Variants in EXPH5 observed in about 807,000 individuals in gnomAD.
EXPH5 encodes exophilin 5, also known as exophilin-5.
A neutral mutation model predicts 41.1 loss-of-function variants in EXPH5; 42 were observed. The observed-to-expected ratio is 1.02, with a 90% CI of 0.80 to 1.32. The LOEUF is 1.32. EXPH5 is among the 40% of genes most tolerant of loss of function. EXPH5 has a pLI of 0.00. For synonymous variants in EXPH5, 798 were observed against 833.5 expected (o/e 0.96, Z 0.73); for missense variants, 2,298 against 2,314.5 (o/e 0.99, Z 0.15).
rs1421149961 is a variant in EXPH5 at position 108,507,517 on chromosome 11, G to C, written c.*2020C>G. ...GTATTGAGATCCAGGAATCCATGCT[G>C]TCTGTAGTTAAAGCAGATTATCTTC... On this transcript the variant is annotated 3_prime_UTR_variant, in exon 6 of 6. Coordinates refer to ENST00000265843, the MANE Select transcript of EXPH5 (RefSeq NM_015065.3). The C allele has an allele frequency of 6.6e-6, 1 of 152,178 alleles. No homozygotes were observed. The highest frequency in any genetic ancestry group is 2.4e-5 in the African/African-American group (1 of 41,430). 9.4% of individuals were successfully genotyped at this position (152,178 alleles called of 1,614,324 possible).
chr11:108,579,063 G>C (rs2094089230), intron 1 of EXPH5, among the ~76,000 whole-genome samples: 1 of 152,102 alleles, frequency 6.6e-6, no homozygotes, highest in African/African-American at 2.4e-5. Flanking sequence ...TAGTGAAAGG[G>C]GTATCCTTGT....
At chr11:108,558,316 C>T (rs551401160) in intron 1 of EXPH5, among the ~76,000 whole-genome samples, 16 of 152,212 alleles carry the variant, frequency 1.1e-4, no homozygotes, top group Non-Finnish European at 2.4e-4. Flanking sequence ...CCTTGAACCT[C>T]CAAGCTCAAG....
At chr11:108,558,060 G>A (rs373867849) in intron 1 of EXPH5, among the ~76,000 whole-genome samples, 15 of 151,972 alleles carry the variant, frequency 9.9e-5, no homozygotes, top group African/African-American at 2.9e-4. Context: ...CTCCTGCTTC[G>A]GCCTCCTGAG....
intron 1 of EXPH5, among the ~76,000 whole-genome samples, chr11:108,589,505 C>G (rs373953172): frequency 5.3e-5 from 8 of 152,138 alleles, no homozygotes; most frequent in Non-Finnish European, 1.2e-4. Context: ...TCTGGAAAAC[C>G]CTCCTGGGCT....
At chr11:108,519,755 A>G (rs2093752242) in intron 4 of EXPH5, among the ~76,000 whole-genome samples, 1 of 150,226 alleles carries the variant, frequency 6.7e-6, no homozygotes, top group Non-Finnish European at 1.5e-5. Flanking sequence ...CTTGGAAAAA[A>G]AGAAAAAAAG....
chr11:108,596,727 C>T (rs2094139304), upstream of EXPH5, among the ~76,000 whole-genome samples: 1 of 152,192 alleles, frequency 6.6e-6, no homozygotes, highest in African/African-American at 2.4e-5. Flanking sequence ...CCTCATCAGA[C>T]TTCAGCACTG....
In EXPH5 at chr11:108,513,123, T is replaced by C. The variant is rs2093695118; in HGVS notation, c.2384A>G (p.Asp795Gly). 6 of 1,611,560 alleles carry C rather than the reference T, an allele frequency of 3.7e-6. No homozygotes were observed. The highest frequency in any genetic ancestry group is 2.5e-6 in the Non-Finnish European group (3 of 1,179,448). Residue 795 changes from aspartate (D) to glycine (G), a missense_variant, in exon 6 of 6, where the codon GAT (aspartate) becomes GGT (glycine). By Grantham distance (94) the Asp-to-Gly change is moderately conservative (BLOSUM62 -1). Transcript: ENST00000265843. ...HTDKSNDIKQ[D>G]KRFTENRKLG... is the part of the protein sequence containing the mutation. ...TTTTCTGTTTTCAGTAAACCTCTTATCTTGTTTAATGTCATTGGATTTATC... is the reference window on the plus strand; with the variant it reads ...TTTTCTGTTTTCAGTAAACCTCTTACCTTGTTTAATGTCATTGGATTTATC...
chr11:108,555,424 G>C (rs1286036666), intron 1 of EXPH5, among the ~76,000 whole-genome samples: 1 of 152,126 alleles, frequency 6.6e-6, no homozygotes, highest in Non-Finnish European at 1.5e-5. Context: ...ATCATACACT[G>C]TTCTAGCAGC....
At position 108,514,090 on chromosome 11, in the gene EXPH5, T is replaced by C. The variant is rs752926654; in HGVS notation, c.1417A>G (p.Arg473Gly). 1.2e-6 allele frequency: 2 copies of C among 1,613,962 alleles called. No homozygotes were observed. Among genetic ancestry groups the C allele is most frequent in the South Asian group, 2.2e-5 (2 of 91,006 alleles). ...CAAAAAGGACCTTGTCCAAATCTCCTCTGTTCTCCGCTTCGTCCAAAGGTA... is the reference window on the plus strand; with the variant it reads ...CAAAAAGGACCTTGTCCAAATCTCCCCTGTTCTCCGCTTCGTCCAAAGGTA... ...SNTFGRSGEQRRFGQGPFWGQ... is the reference protein window; with the variant it reads ...SNTFGRSGEQGRFGQGPFWGQ... Residue 473 changes from arginine (R) to glycine (G), a missense_variant, in exon 6 of 6, where the codon AGG (arginine) becomes GGG (glycine). Arg to Gly is a moderately radical substitution (Grantham distance 125). Transcript: ENST00000265843.
chr11:108,549,695 T>C (rs993965176), intron 1 of EXPH5, among the ~76,000 whole-genome samples: 5 of 152,220 alleles, frequency 3.3e-5, no homozygotes, highest in Non-Finnish European at 5.9e-5. Context: ...ATTCTTGAGT[T>C]ACTATCAGGT....
chr11:108,562,449 G>T (rs2094016930), intron 1 of EXPH5, among the ~76,000 whole-genome samples: 1 of 150,982 alleles, frequency 6.6e-6, no homozygotes, highest in Non-Finnish European at 1.5e-5. Flanking sequence ...CAAAAAAAAA[G>T]AATACAAAAA....
Position 108,510,496 on chromosome 11 carries a change from T to C in EXPH5, c.5011A>G (p.Asn1671Asp). 6.2e-7 allele frequency: 1 copy of C among 1,614,088 alleles called. No homozygotes were observed. The highest frequency in any genetic ancestry group is 8.5e-7 in the Non-Finnish European group (1 of 1,180,032). The change falls in exon 6 of 6, where the codon AAC becomes GAC. Residue 1671 changes from asparagine to aspartate, a missense_variant. By Grantham distance (23) the Asn-to-Asp change is conservative. Coordinates refer to ENST00000265843, the MANE Select transcript of EXPH5 (RefSeq NM_015065.3). The part of the protein sequence containing the change: ...ENGKHVKKSE[N>D]LLPITVLPNR... ...GGTAGTACAGTAATGGGGAGAAGGT[T>C]CTCGGATTTCTTCACATGCTTTCCG...
In EXPH5 at chr11:108,556,619, G is replaced by T. The variant is rs1312177861; in HGVS notation, c.120-14807C>A. 2.0e-5 allele frequency among the ~76,000 whole-genome samples: 3 copies of T among 152,082 alleles called. No individual in the cohort carries two copies. The East Asian group carries it at 5.8e-4, about 29-fold the overall frequency. On this transcript the variant is annotated intron_variant, in intron 1 of 5. Transcript: ENST00000265843. The stretch of plus-strand genomic sequence containing the variant: ...TCCCGAGTAGCTGGGATTACAGTAG[G>T]CATGCACAACCACGCCCAGCTAATT...
rs749212694 is a variant in EXPH5 at position 108,511,634 on chromosome 11, GT to G, written c.3872del (p.Asn1291ThrfsTer3). 6.2e-7 allele frequency: 1 copy of G among 1,610,024 alleles called. No individual in the cohort carries two copies. The highest frequency in any genetic ancestry group is 8.5e-7 in the Non-Finnish European group (1 of 1,178,952). ...AATTCTGTTTGTCTTTTTCTAAAGCGTTAGGAAATGTTTCAGTCTCCACTTG... is the reference window on the plus strand; with the variant it reads ...AATTCTGTTTGTCTTTTTCTAAAGCGTAGGAAATGTTTCAGTCTCCACTTG... ...SPQVETETFP[N>X]ALEKDKQNYS... On this transcript the variant is annotated frameshift_variant, in exon 6 of 6. Transcript: ENST00000265843. LOFTEE classifies it low-confidence loss of function (END_TRUNC).
chr11:108,533,123 CCAGT>C (rs1251169106), intron 3 of EXPH5, among the ~76,000 whole-genome samples: 1 of 152,190 alleles, frequency 6.6e-6, no homozygotes, highest in Non-Finnish European at 1.5e-5. Flanking sequence ...CCTAGTTTCC[CCAGT>C]CAGAGTGGAA....
intron 3 of EXPH5, among the ~76,000 whole-genome samples, chr11:108,537,052 C>T (rs1274250422): frequency 6.6e-6 from 1 of 152,118 alleles, no homozygotes; most frequent in South Asian, 2.1e-4. Flanking sequence ...AATCACAGTC[C>T]ATTTTGCAGA....
intron 3 of EXPH5, among the ~76,000 whole-genome samples, chr11:108,534,473 T>C (rs550405988): frequency 6.6e-6 from 1 of 152,228 alleles, no homozygotes; most frequent in Non-Finnish European, 1.5e-5. Context: ...CCTCACCTTG[T>C]ACTGGGTCAT....
chr11:108,539,365 T>A (rs1203408096), intron 2 of EXPH5, among the ~76,000 whole-genome samples, 179 bp from the exon 3 acceptor site: 1 of 152,198 alleles, frequency 6.6e-6, no homozygotes, highest in Non-Finnish European at 1.5e-5. Flanking sequence ...CTCCTGCGCC[T>A]CTGATGGTTC....
chr11:108,585,622 C>T (rs1307530039), intron 1 of EXPH5, among the ~76,000 whole-genome samples: 2 of 152,134 alleles, frequency 1.3e-5, no homozygotes, highest in East Asian at 3.9e-4. Flanking sequence ...GTTGTAGTAG[C>T]CTGAATGACA....
Sources: gnomAD v4.1 joint callset for allele counts (sites outside exome capture counted in the v4.1 genomes callset) on GRCh38, gnomAD v4.1.1 for gene constraint, MANE v1.5 for transcripts, NCBI Gene and HGNC (gene_info 2026-07-23, HGNC 2026-07-21) for gene names.